The following DPP4 variants were observed in gnomAD, a reference collection of about 807,000 sequenced individuals.
DPP4 encodes ADCP-2.
Under a neutral mutation model 122.4 loss-of-function variants are expected in DPP4, and 93 were observed. The ratio of observed to expected loss-of-function variants is 0.76; its 90% confidence interval spans 0.64 to 0.90. The LOEUF is 0.90. Among genes scored for constraint, DPP4 ranks in the 40% least tolerant of loss-of-function variants. DPP4 has a pLI of 0.00. For missense variants in DPP4, 914 were observed against 907.3 expected (o/e 1.01, Z -0.09); for synonymous variants, 321 against 302.9 (o/e 1.06, Z -0.62).
intron 10 of DPP4, among the ~76,000 whole-genome samples, chr2:162,032,708 AC>A (rs57725323): frequency 0.33 from 46,756 of 142,166 alleles, 7,601 homozygotes; most frequent in East Asian, 0.63. Context: ...AACAACAACA[AC>A]AAAAAAAAAA....
chr2:162,008,096 T>A (rs1701329113), intron 22 of DPP4, among the ~76,000 whole-genome samples: 1 of 152,022 alleles, frequency 6.6e-6, no homozygotes, highest in African/African-American at 2.4e-5. Context: ...TATTCTAGAG[T>A]AGCTTTCACC....
chr2:162,046,314 G>A (rs140787918), intron 4 of DPP4, among the ~76,000 whole-genome samples: 1 of 152,222 alleles, frequency 6.6e-6, no homozygotes, highest in African/African-American at 2.4e-5. Flanking sequence ...ACATGCAGAG[G>A]GAGAATTGTC....
intron 10 of DPP4, among the ~76,000 whole-genome samples, chr2:162,028,185 T>C (rs1370478217): frequency 6.6e-6 from 1 of 151,838 alleles, no homozygotes; most frequent in Non-Finnish European, 1.5e-5. Context: ...AGCATGGTGA[T>C]ACCCTGTGTC....
intron 11 of DPP4, among the ~76,000 whole-genome samples, chr2:162,023,989 T>C (rs1469800301): frequency 6.6e-6 from 1 of 152,128 alleles, no homozygotes; most frequent in Non-Finnish European, 1.5e-5. Flanking sequence ...AGGAATTCCA[T>C]GTTTGTTACA....
chr2:162,020,546 G>T, intron 13 of DPP4, 35 bp downstream of exon 13: 1 of 1,495,678 alleles, frequency 6.7e-7, no homozygotes. Context: ...AAAAAAAAGA[G>T]GTCAACATGA....
intron 10 of DPP4, among the ~76,000 whole-genome samples, chr2:162,031,688 G>C (rs553966058): frequency 6.6e-6 from 1 of 152,012 alleles, no homozygotes; most frequent in Non-Finnish European, 1.5e-5. Context: ...TCCTGGGGTC[G>C]TGAAAACCCC....
In DPP4 at chr2:162,009,164, T is replaced by C. The variant is rs2106086210; in HGVS notation, c.1887+77A>G. The C allele has an allele frequency of 5.6e-6, 8 of 1,436,454 alleles. No homozygotes were observed. The East Asian group carries it at 6.8e-5, about 12-fold the overall frequency. The allele number at this position is 1,436,454 out of a possible 1,614,324, so 89.0% of individuals were successfully genotyped here. A position where few individuals can be genotyped will look rare whatever the true frequency, so the allele number is the denominator to read the frequency against. On this transcript the variant is annotated intron_variant, in intron 21 of 25. Coordinates refer to ENST00000360534, the MANE Select transcript of DPP4 (RefSeq NM_001935.4). ...TGTGATTTTCACCTCCAAATATGTA[T>C]ATACAAAAGATAAAGTAACCTGCTC...
intron 1 of DPP4, 136 bp downstream of exon 1, chr2:162,073,840 C>G: frequency 8.3e-7 from 1 of 1,204,008 alleles, no homozygotes. Context: ...GTCCCTTCAC[C>G]TGTCAGAGGG....
In DPP4 at chr2:162,041,752, T is replaced by C. The variant is rs541675354; in HGVS notation, c.367-2568A>G. On this transcript the variant is annotated intron_variant, in intron 5 of 25. Coordinates refer to ENST00000360534, the MANE Select transcript of DPP4 (RefSeq NM_001935.4). ...GTTGTAAAAGAAAACCCATGATGTT[T>C]GGTATGTTCACTTCATCTTTTGAAA... Among the ~76,000 whole-genome samples the C allele has an allele frequency of 8.9e-4, 136 of 152,300 alleles. 1 individual carries two copies. Among genetic ancestry groups the C allele is most frequent in the Non-Finnish European group, 1.5e-3 (99 of 68,012 alleles).
chr2:162,002,519 A>T (rs141477140), intron 23 of DPP4, among the ~76,000 whole-genome samples: 1 of 152,212 alleles, frequency 6.6e-6, no homozygotes, highest in African/African-American at 2.4e-5. Flanking sequence ...TACTGAAAAG[A>T]GTCACTGATC....
At chr2:162,001,699 G>A (rs1701153726) in intron 23 of DPP4, among the ~76,000 whole-genome samples, 1 of 152,134 alleles carries the variant, frequency 6.6e-6, no homozygotes, top group South Asian at 2.1e-4. Flanking sequence ...CACAAGGTGT[G>A]GCTACAGCTG....
chr2:162,044,429 GGTGAGTGTTGGTGT>G (rs1559720132), intron 5 of DPP4, among the ~76,000 whole-genome samples: 4 of 148,830 alleles, frequency 2.7e-5, no homozygotes, highest in African/African-American at 9.8e-5. Flanking sequence ...AGTGTTGGTG[GGTGAGTGTTGGTGT>G]GTGAGCGTTG....
At chr2:162,040,636 T>C (rs746663285) in intron 5 of DPP4, among the ~76,000 whole-genome samples, 1 of 151,994 alleles carries the variant, frequency 6.6e-6, no homozygotes, top group African/African-American at 2.4e-5. Flanking sequence ...TGGTGAAACA[T>C]GTCATCATAC....
intron 23 of DPP4, among the ~76,000 whole-genome samples, chr2:161,997,219 A>G (rs1701028763): frequency 6.6e-6 from 1 of 152,186 alleles, no homozygotes; most frequent in African/African-American, 2.4e-5. Context: ...ATGAACTCTC[A>G]GAATAAAAAC....
intron 2 of DPP4, among the ~76,000 whole-genome samples, chr2:162,053,531 G>A (rs1483385475): frequency 3.9e-5 from 6 of 152,360 alleles, no homozygotes; most frequent in African/African-American, 1.4e-4. Context: ...GTAGGCCACA[G>A]GTTGGACAAG....
rs144559790 is a variant in DPP4, at chr2:162,038,693, C to A, written c.492+256G>T. On this transcript the variant is annotated intron_variant, in intron 7 of 25. Coordinates refer to ENST00000360534, the MANE Select transcript of DPP4 (RefSeq NM_001935.4). ...TGAATGCTAAAGTATATGAGAAGAC[C>A]GAGAAGGCTGACCACTTCTACAGGA... is the stretch of plus-strand genomic sequence containing the variant. Among the ~76,000 whole-genome samples, 4 of 152,038 alleles carry A rather than the reference C, an allele frequency of 2.6e-5. No homozygotes were observed. In the East Asian group the frequency reaches 7.7e-4, roughly 29 times the overall value.
intron 2 of DPP4, among the ~76,000 whole-genome samples, chr2:162,069,598 G>T (rs892692448): frequency 6.6e-6 from 1 of 152,188 alleles, no homozygotes; most frequent in Admixed American, 6.5e-5. Context: ...CTGACCTCAT[G>T]AGCATTCCAC....
intron 2 of DPP4, among the ~76,000 whole-genome samples, chr2:162,056,298 T>G (rs1386375525): frequency 6.6e-6 from 1 of 152,254 alleles, no homozygotes; most frequent in Non-Finnish European, 1.5e-5. Flanking sequence ...TACTATTATA[T>G]TACTACAGCC....
intron 12 of DPP4, among the ~76,000 whole-genome samples, chr2:162,021,186 G>C (rs1257418475): frequency 1.3e-5 from 2 of 152,014 alleles, no homozygotes; most frequent in South Asian, 2.1e-4. Context: ...CTCAGACTTA[G>C]TATTTAACCA....
Sources: allele counts gnomAD v4.1 joint callset (sites outside exome capture counted in the v4.1 genomes callset), GRCh38; gene constraint gnomAD v4.1.1; transcripts MANE v1.5; gene names NCBI Gene and HGNC (gene_info 2026-07-23, HGNC 2026-07-21).